Variants in ELF1 observed in about 807,000 individuals in gnomAD.
The protein encoded by ELF1 is E74 like ETS transcription factor 1.
ELF1 carries 24 observed loss-of-function variants against 59.9 expected under a neutral mutation model. The observed-to-expected ratio is 0.40, with a 90% CI of 0.29 to 0.56. The LOEUF (loss-of-function observed/expected upper bound fraction) is 0.56, where lower values mean the gene tolerates loss of function less well. Ranked by LOEUF, ELF1 falls within the 20% of genes least tolerant of loss-of-function variation. ELF1 has a pLI of 0.44. For missense variants in ELF1, 627 were observed against 742.2 expected (o/e 0.84, Z 1.80); for synonymous variants, 248 against 266.2 (o/e 0.93, Z 0.67).
At position 40,973,147 on chromosome 13, in the gene ELF1, G is replaced by C. The variant is rs58209763; in HGVS notation, c.72+8836C>G. ...TAAATCATTAAACTGTCACCTAAAA[G>C]ATCACCTTTTAGGAGGGAAGCTTCT... On this transcript the variant is annotated intron_variant, in intron 2 of 8. Coordinates refer to ENST00000239882, the MANE Select transcript of ELF1 (RefSeq NM_172373.4). Among the ~76,000 whole-genome samples the C allele has an allele frequency of 9.5e-3, 1,443 of 152,254 alleles. 20 individuals are homozygous for C. Among genetic ancestry groups the C allele is most frequent in the African/African-American group, 0.033 (1,374 of 41,556 alleles).
At position 40,978,450 on chromosome 13, in the gene ELF1, G is replaced by C. The variant is rs370811199; in HGVS notation, c.72+3533C>G. On this transcript the variant is annotated intron_variant, in intron 2 of 8. Coordinates refer to ENST00000239882, the MANE Select transcript of ELF1 (RefSeq NM_172373.4). ...ATTTTAGGAGTGACAGGAGTGAAGAGAATAAAGCTTTCCTAAGCAGAAGGC... is the reference window on the plus strand; with the variant it reads ...ATTTTAGGAGTGACAGGAGTGAAGACAATAAAGCTTTCCTAAGCAGAAGGC... 3.5e-4 allele frequency among the ~76,000 whole-genome samples: 53 copies of C among 151,618 alleles called. No homozygotes were observed. In the East Asian group the frequency reaches 8.1e-3, roughly 23 times the overall value.
chr13:41,001,797 T>C (rs1181484649), intron 1 of ELF1, among the ~76,000 whole-genome samples: 2 of 152,080 alleles, frequency 1.3e-5, no homozygotes, highest in African/African-American at 2.4e-5. Flanking sequence ...CAGTTCAAGG[T>C]TGCCGTGCAC....
At chr13:40,997,138 A>G (rs1227958617) in intron 1 of ELF1, among the ~76,000 whole-genome samples, 1 of 152,338 alleles carries the variant, frequency 6.6e-6, no homozygotes, top group Non-Finnish European at 1.5e-5. Flanking sequence ...AGTTACCAAC[A>G]CATTTGAAAG....
At chr13:40,943,401 A>C (rs1870308026) in intron 6 of ELF1, among the ~76,000 whole-genome samples, 1 of 152,200 alleles carries the variant, frequency 6.6e-6, no homozygotes, top group Admixed American at 6.5e-5. Flanking sequence ...GTGATGATTT[A>C]GGAGAAAGTA....
intron 1 of ELF1, 78 bp from the exon 2 acceptor site, chr13:40,982,360 A>C: frequency 4.1e-6 from 4 of 979,796 alleles, no homozygotes; most frequent in Non-Finnish European, 5.0e-6. Flanking sequence ...AGAGGGCAGT[A>C]TCGCTAAAGC....
In ELF1 at chr13:41,025,932, T is replaced by A. The variant is rs114280109; in HGVS notation, c.-229+34906A>T. Among the ~76,000 whole-genome samples, 517 of 152,296 alleles carry A rather than the reference T, an allele frequency of 3.4e-3. 3 individuals carry two copies. Among genetic ancestry groups the A allele is most frequent in the South Asian group, 0.011 (53 of 4,818 alleles). On this transcript the variant is annotated intron_variant, in intron 1 of 1. Transcript: ENST00000405737. Reference sequence around the variant, plus strand: ...TGCCTTTTTCCCCCATACCTGTCCATGAGGCCCACCAGAAGCAGTTTCCTT... The same window carrying A: ...TGCCTTTTTCCCCCATACCTGTCCAAGAGGCCCACCAGAAGCAGTTTCCTT...
chr13:40,933,359 G>C lies in ELF1; in HGVS notation c.*66C>G, dbSNP rs1869533871. ...CTCCTTAGAATTTATCTTAGAATCA[G>C]TCAGTCTGCATATAATTGAAAATGT... On this transcript the variant is annotated 3_prime_UTR_variant, in exon 9 of 9. Coordinates refer to ENST00000239882, the MANE Select transcript of ELF1 (RefSeq NM_172373.4). 1.3e-6 allele frequency: 2 copies of C among 1,520,370 alleles called. No homozygotes were observed. The highest frequency in any genetic ancestry group is 1.8e-6 in the Non-Finnish European group (2 of 1,132,424). 94.2% of individuals were successfully genotyped at this position (1,520,370 alleles called of 1,614,324 possible). A position where few individuals can be genotyped will look rare whatever the true frequency, so the allele number is the denominator to read the frequency against.
intron 1 of ELF1, among the ~76,000 whole-genome samples, chr13:40,999,568 C>T (rs1475902535): frequency 3.3e-5 from 5 of 152,148 alleles, no homozygotes; most frequent in African/African-American, 4.8e-5. Context: ...GGTTATCAAA[C>T]TGGGTTGCAA....
In ELF1 at chr13:40,956,142, T is replaced by TG. The variant is rs577460081; in HGVS notation, c.253+2693dup. 2.0e-3 allele frequency among the ~76,000 whole-genome samples: 304 copies of TG among 149,110 alleles called. 1 individual carries two copies. The highest frequency in any genetic ancestry group is 7.1e-3 in the African/African-American group (292 of 41,046). Reference sequence around the variant, plus strand: ...TTGTGGAATAGAAAGGGGGGAAAGGTGGGGAAAAGACTGAGAAATCGGATG... The same window carrying TG: ...TTGTGGAATAGAAAGGGGGGAAAGGTGGGGGAAAAGACTGAGAAATCGGATG... On this transcript the variant is annotated intron_variant, in intron 3 of 8. Transcript: ENST00000239882.
At chr13:40,973,303 T>C (rs1009814868) in intron 2 of ELF1, among the ~76,000 whole-genome samples, 2 of 152,146 alleles carry the variant, frequency 1.3e-5, no homozygotes, top group African/African-American at 4.8e-5. Flanking sequence ...AGTCAAAATA[T>C]TATAATGTAG....
At chr13:40,954,335 C>T (rs138478074) in intron 3 of ELF1, among the ~76,000 whole-genome samples, 37 of 152,198 alleles carry the variant, frequency 2.4e-4, no homozygotes, top group African/African-American at 8.2e-4. Flanking sequence ...TGGGAGGTGA[C>T]CGGATCGTGG....
At chr13:41,019,668 T>A (rs1875610958), upstream of ELF1, among the ~76,000 whole-genome samples, 1 of 152,118 alleles carries the variant, frequency 6.6e-6, no homozygotes, top group Non-Finnish European at 1.5e-5. Context: ...GAAAAAAGTA[T>A]GAAAGGGGAT....
chr13:40,971,105 A>G (rs1325130083), intron 2 of ELF1, among the ~76,000 whole-genome samples: 1 of 150,630 alleles, frequency 6.6e-6, no homozygotes, highest in African/African-American at 2.4e-5. Flanking sequence ...CCAGTACAGG[A>G]TCCTATAGAT....
intron 1 of ELF1, among the ~76,000 whole-genome samples, chr13:41,002,604 C>T (rs1235627079): frequency 1.4e-5 from 2 of 143,862 alleles, no homozygotes; most frequent in Non-Finnish European, 3.0e-5. Context: ...AAAAAAAAGG[C>T]AAGTCCCATC....
intron 3 of ELF1, among the ~76,000 whole-genome samples, chr13:40,955,107 A>C (rs1449687899): frequency 8.2e-5 from 12 of 146,142 alleles, no homozygotes; most frequent in African/African-American, 2.6e-4. Flanking sequence ...GCCCCGTCTG[A>C]GAAGTGAGGA....
chr13:40,987,712 T>C (rs1873634779), intron 1 of ELF1, among the ~76,000 whole-genome samples: 2 of 152,106 alleles, frequency 1.3e-5, no homozygotes, highest in African/African-American at 2.4e-5. Context: ...CGTGGTTGAA[T>C]GACTTCTCTA....
rs779678252 is a variant in ELF1, at chr13:40,941,091, T to G, written c.1086A>C (p.Ala362=). ...CTGTCCTCAAAACTTCTGATGGTTG[T>G]GCAACTTCCACAGGATCTTTGGGTT... is the stretch of plus-strand genomic sequence containing the variant. ...AAKPKDPVEV[A]QPSEVLRTVQ... The change falls in exon 8 of 9, where the codon GCA becomes GCC. Residue 362 remains alanine (A), a synonymous_variant. Transcript: ENST00000239882. 6.2e-7 allele frequency: 1 copy of G among 1,614,216 alleles called. No homozygotes were observed. The highest frequency in any genetic ancestry group is 8.5e-7 in the Non-Finnish European group (1 of 1,180,028).
intron 1 of ELF1, among the ~76,000 whole-genome samples, chr13:41,002,645 G>GT (rs931135955): frequency 6.7e-5 from 10 of 150,374 alleles, no homozygotes; most frequent in African/African-American, 2.0e-4. Context: ...ATAAATCAGT[G>GT]TCGTCTATAT....
intron 2 of ELF1, among the ~76,000 whole-genome samples, chr13:40,979,857 A>T (rs1160758490): frequency 2.0e-5 from 3 of 152,234 alleles, no homozygotes; most frequent in Non-Finnish European, 4.4e-5. Context: ...CTAAGGGTGA[A>T]GAGAGATTTT....
Sources: gnomAD v4.1 joint callset for allele counts (sites outside exome capture counted in the v4.1 genomes callset) on GRCh38, gnomAD v4.1.1 for gene constraint, MANE v1.5 for transcripts, NCBI Gene and HGNC (gene_info 2026-07-23, HGNC 2026-07-21) for gene names.